The following CHD5 variants were observed in gnomAD, a reference collection of about 807,000 sequenced individuals.
CHD5 encodes the protein chromodomain helicase DNA binding protein 5.
Under a neutral mutation model 230.3 loss-of-function variants are expected in CHD5, and 69 were observed. The observed-to-expected ratio is 0.30, with a 90% CI of 0.25 to 0.37. The LOEUF (loss-of-function observed/expected upper bound fraction) is 0.37. Among genes scored for constraint, CHD5 ranks in the 10% least tolerant of loss-of-function variants. The pLI is 1.00. For missense variants in CHD5, 1,827 were observed against 2,622.8 expected (o/e 0.70, Z 6.63); for synonymous variants, 1,064 against 1,065.9 (o/e 1.00, Z 0.03).
At chr1:6,117,836 T>C (rs886725277) in intron 33 of CHD5, among the ~76,000 whole-genome samples, 10 of 152,182 alleles carry the variant, frequency 6.6e-5, no homozygotes, top group Admixed American at 3.3e-4. Context: ...CACATGCTGG[T>C]AAGAATGTGA....
Position 6,134,281 on chromosome 1 carries a change from G to A in CHD5, c.3013-22C>T. 1 of 1,609,526 alleles carries A rather than the reference G, an allele frequency of 6.2e-7. No individual in the cohort carries two copies. Reference sequence around the variant, plus strand: ...CCTCCTGCAGACACAGCAGGAGGTGGGGCATTGGTGGGCTCCCCTCTCCTC... The same window carrying A: ...CCTCCTGCAGACACAGCAGGAGGTGAGGCATTGGTGGGCTCCCCTCTCCTC... On this transcript the variant is annotated intron_variant, in intron 19 of 41. Coordinates refer to ENST00000262450, the MANE Select transcript of CHD5 (RefSeq NM_015557.3). This position sits in a 1 kb window ranked among gnomAD's most constrained non-coding sequence, Gnocchi z 6.3.
Position 6,142,242 on chromosome 1 carries a change from G to A in CHD5, c.2322C>T (p.Asp774=). ...WEREFEMWAP[D]FYVVTYTGDK... Reference sequence around the variant, plus strand: ...CCCCCGTGTAGGTGACCACGTAGAAGTCGGGCGCCCACATCTCAAACTCGC... The same window carrying A: ...CCCCCGTGTAGGTGACCACGTAGAAATCGGGCGCCCACATCTCAAACTCGC... The change falls in exon 15 of 42, where the codon GAC becomes GAT. Residue 774 remains aspartate (D), a synonymous_variant. Transcript: ENST00000262450. This position sits in a 1 kb window ranked among gnomAD's most constrained non-coding sequence, Gnocchi z 5.2. The A allele has an allele frequency of 1.2e-6, 2 of 1,614,160 alleles. No individual in the cohort carries two copies. Among genetic ancestry groups the A allele is most frequent in the Non-Finnish European group, 1.7e-6 (2 of 1,180,010 alleles).
intron 36 of CHD5, among the ~76,000 whole-genome samples, chr1:6,110,750 G>A (rs774801303): frequency 1.9e-4 from 29 of 152,186 alleles, no homozygotes; most frequent in Non-Finnish European, 4.1e-4. Flanking sequence ...ACACAGCCCC[G>A]GGGCTTCAGA....
In CHD5 at chr1:6,149,344, T is replaced by G; in HGVS notation, c.1063A>C (p.Ile355Leu). 1 of 1,612,630 alleles carries G rather than the reference T, an allele frequency of 6.2e-7. No individual in the cohort carries two copies. Among genetic ancestry groups the G allele is most frequent in the Non-Finnish European group, 8.5e-7 (1 of 1,179,668 alleles). ...YCEVCQQGGEIILCDTCPRAY... is the reference protein window; with the variant it reads ...YCEVCQQGGELILCDTCPRAY... ...CTCGGGCAGGTGTCGCACAGGATGATCTCCCCACCCTGCTGGCACACCTCA... is the reference window on the plus strand; with the variant it reads ...CTCGGGCAGGTGTCGCACAGGATGAGCTCCCCACCCTGCTGGCACACCTCA... Residue 355 changes from isoleucine (I) to leucine (L), a missense_variant, in exon 8 of 42, where the codon ATC becomes CTC. Transcript: ENST00000262450.
chr1:6,110,126 C>G (rs1666261650), intron 37 of CHD5, 136 bp from the exon 38 acceptor site: 6 of 976,760 alleles, frequency 6.1e-6, no homozygotes, highest in Non-Finnish European at 7.3e-6. Context: ...GCTGCCCACC[C>G]TGGCCTGGTG....
Position 6,143,865 on chromosome 1 carries a change from C to T in CHD5, c.2001G>A (p.Arg667=). 2.5e-6 allele frequency: 4 copies of T among 1,613,564 alleles called. No homozygotes were observed. The highest frequency in any genetic ancestry group is 1.3e-5 in the African/African-American group (1 of 75,008). ...CCGGCGGCTTCTCCTGCTTGTCGTC[C>T]CTCAGCTTCTTGCCCTTCTTGAGCA... ...KRLLKKGKKL[R]DDKQEKPPDT... is the part of the protein sequence containing the mutation. Residue 667 remains arginine (R), a synonymous_variant, in exon 13 of 42, where the codon AGG becomes AGA. Coordinates refer to ENST00000262450, the MANE Select transcript of CHD5 (RefSeq NM_015557.3).
intron 1 of CHD5, among the ~76,000 whole-genome samples, chr1:6,168,879 C>T (rs1240058775): frequency 6.6e-6 from 1 of 152,062 alleles, no homozygotes; most frequent in African/African-American, 2.4e-5. Context: ...ATTAGCTGGG[C>T]GTGGTGGTGG....
Position 6,142,117 on chromosome 1 carries a change from C to A in CHD5, c.2436+11G>T. On this transcript the variant is annotated intron_variant, in intron 15 of 41. Coordinates refer to ENST00000262450, the MANE Select transcript of CHD5 (RefSeq NM_015557.3). This position sits in a 1 kb window ranked among gnomAD's most constrained non-coding sequence, Gnocchi z 5.2. ...CTTCCTACCGTCCTTCCAAGGATAG[C>A]GAGCCCTCACCTTCATACGGAATAC... The A allele has an allele frequency of 6.2e-7, 1 of 1,608,104 alleles. No homozygotes were observed. Among genetic ancestry groups the A allele is most frequent in the Non-Finnish European group, 8.5e-7 (1 of 1,174,844 alleles).
intron 33 of CHD5, among the ~76,000 whole-genome samples, chr1:6,120,405 A>C (rs897340781): frequency 6.6e-6 from 1 of 151,766 alleles, no homozygotes; most frequent in South Asian, 2.1e-4. Context: ...AAGGTGGCTC[A>C]TGCCTGCAAT....
chr1:6,146,712 A>G lies in CHD5; in HGVS notation c.1543T>C (p.Trp515Arg). The stretch of plus-strand genomic sequence containing the variant: ...CAATGCCAGTAGGACAGCCCTGCCC[A>G]CTTGACAAAGAACTCTCTCTCAGGG... ...GIPEREFFVK[W>R]AGLSYWHCSW... The change falls in exon 10 of 42, where the codon TGG (tryptophan) becomes CGG (arginine). Residue 515 changes from tryptophan to arginine, a missense_variant. Physicochemically the swap from Trp to Arg is moderately radical, Grantham distance 101 (BLOSUM62 -3). This residue lies in a region of CHD5 where 657 missense variants were observed against 816.4 expected (regional missense o/e 0.80). Transcript: ENST00000262450. This position sits in a 1 kb window ranked among gnomAD's most constrained non-coding sequence, Gnocchi z 5.1. 1 of 1,613,562 alleles carries G rather than the reference A, an allele frequency of 6.2e-7. No homozygotes were observed. Among genetic ancestry groups the G allele is most frequent in the Non-Finnish European group, 8.5e-7 (1 of 1,179,820 alleles).
In CHD5 at chr1:6,106,727, C is replaced by A. The variant is rs1263487415; in HGVS notation, c.5631G>T (p.Arg1877=). Residue 1877 remains arginine, a synonymous_variant, in exon 39 of 42, where the codon CGG becomes CGT. Coordinates refer to ENST00000262450, the MANE Select transcript of CHD5 (RefSeq NM_015557.3). ...LLSDMKADVT[R]LPSMLSRIPP... ...GGATGCGGGACAGCATGGATGGCAG[C>A]CGGGTCACGTCGGCCTTCATGTCGC... 1 of 1,611,906 alleles carries A rather than the reference C, an allele frequency of 6.2e-7. No individual in the cohort carries two copies. The highest frequency in any genetic ancestry group is 1.1e-5 in the South Asian group (1 of 90,996).
chr1:6,166,260 G>A lies in CHD5; in HGVS notation c.207+1890C>T, dbSNP rs1395705056. ...AGGACCAGAAGGGCCTGGATTGGCT[G>A]CAAAGCAGGTGGGGGTCGGGGGCAG... On this transcript the variant is annotated intron_variant, in intron 2 of 41. Coordinates refer to ENST00000262450, the MANE Select transcript of CHD5 (RefSeq NM_015557.3). Among the ~76,000 whole-genome samples the A allele has an allele frequency of 2.3e-5, 3 of 129,110 alleles. No homozygotes were observed. The East Asian group carries it at 1.1e-3, about 46-fold the overall frequency. The allele number at this position is 129,110 out of a possible 152,430, so 84.7% of individuals were successfully genotyped here. A position where few individuals can be genotyped will look rare whatever the true frequency, so the allele number is the denominator to read the frequency against.
intron 15 of CHD5, among the ~76,000 whole-genome samples, chr1:6,140,282 C>A (rs1455298987): frequency 6.6e-6 from 1 of 152,112 alleles, no homozygotes; most frequent in Non-Finnish European, 1.5e-5. Flanking sequence ...CGCCTGTAGT[C>A]CCAGCTACTT....
Position 6,121,034 on chromosome 1 carries a change from C to T in CHD5, c.4912+71G>A. ...AAATGAGCGGAAGTACAGCCACCTG[C>T]CCTTCTCTGAACCCAGGCCTGCTGA... On this transcript the variant is annotated intron_variant, in intron 33 of 41. Transcript: ENST00000262450. The surrounding 1 kb of genome is among the most constrained non-coding windows in gnomAD (Gnocchi z 4.5). 2 of 1,458,258 alleles carry T rather than the reference C, an allele frequency of 1.4e-6. No homozygotes were observed. Among genetic ancestry groups the T allele is most frequent in the African/African-American group, 1.4e-5 (1 of 70,334 alleles). The allele number at this position is 1,458,258 out of a possible 1,614,324, so 90.3% of individuals were successfully genotyped here.
chr1:6,154,778 C>CGCT lies in CHD5; in HGVS notation c.624_626dup (p.Ala212dup). The stretch of plus-strand genomic sequence containing the variant: ...CTACAGCCGCAGCCACCGCCGCCGC[C>CGCT]GCTGCTGCCGCGGAGCTGCCCTTGA... On this transcript the variant is annotated inframe_insertion, in exon 5 of 42. Coordinates refer to ENST00000262450, the MANE Select transcript of CHD5 (RefSeq NM_015557.3). The surrounding 1 kb of genome is among the most constrained non-coding windows in gnomAD (Gnocchi z 7.0). 1 of 1,612,944 alleles carries CGCT rather than the reference C, an allele frequency of 6.2e-7. No individual in the cohort carries two copies.
chr1:6,146,672 T>C lies in CHD5; in HGVS notation c.1583A>G (p.Glu528Gly). ...ACCCTCCCGGGCACTCACCTGTAGC[T>C]CCTTCACCCAGGAGCAATGCCAGTA... Reference protein sequence around the residue: ...LSYWHCSWVKELQLELYHTVM... With the variant: ...LSYWHCSWVKGLQLELYHTVM... The change falls in exon 10 of 42, where the codon GAG becomes GGG. Residue 528 changes from glutamate to glycine, a missense_variant. Glu to Gly is a moderately conservative substitution (Grantham distance 98). Coordinates refer to ENST00000262450, the MANE Select transcript of CHD5 (RefSeq NM_015557.3). This position sits in a 1 kb window ranked among gnomAD's most constrained non-coding sequence, Gnocchi z 5.1. 6.2e-7 allele frequency: 1 copy of C among 1,613,866 alleles called. No individual in the cohort carries two copies. The highest frequency in any genetic ancestry group is 1.7e-5 in the Admixed American group (1 of 60,016).
chr1:6,108,418 AGATGGAAG>A (rs1437083620), intron 38 of CHD5, among the ~76,000 whole-genome samples: 1 of 102,184 alleles, frequency 9.8e-6, no homozygotes, highest in Non-Finnish European at 2.0e-5. Flanking sequence ...AGAGATGGAG[AGATGGAAG>A]GATGGAGAGA....
chr1:6,170,028 G>C (rs1037234323), intron 1 of CHD5, among the ~76,000 whole-genome samples: 1 of 152,144 alleles, frequency 6.6e-6, no homozygotes, highest in Non-Finnish European at 1.5e-5. Flanking sequence ...ACCCAGGAAG[G>C]GGGCAGAGTG....
rs1305525986 is a variant in CHD5 at position 6,146,372 on chromosome 1, T to C, written c.1642A>G (p.Met548Val). 7 of 1,614,136 alleles carry C rather than the reference T, an allele frequency of 4.3e-6. No homozygotes were observed. The highest frequency in any genetic ancestry group is 1.7e-5 in the Admixed American group (1 of 60,018). ...MYRNYQRKND[M>V]DEPPPFDYGS... Reference sequence around the variant, plus strand: ...TAGTCAAAGGGGGGCGGCTCATCCATGTCGTTCTTTCTTTGGTAGTTGCGA... The same window carrying C: ...TAGTCAAAGGGGGGCGGCTCATCCACGTCGTTCTTTCTTTGGTAGTTGCGA... The change falls in exon 11 of 42, where the codon ATG becomes GTG. Residue 548 changes from methionine to valine, a missense_variant. This residue lies in a region of CHD5 where 657 missense variants were observed against 816.4 expected (regional missense o/e 0.80). Coordinates refer to ENST00000262450, the MANE Select transcript of CHD5 (RefSeq NM_015557.3). This position sits in a 1 kb window ranked among gnomAD's most constrained non-coding sequence, Gnocchi z 5.1.
Sources: gnomAD v4.1 joint callset for allele counts (sites outside exome capture counted in the v4.1 genomes callset) on GRCh38, gnomAD v4.1.1 for gene constraint, gnomAD v4.1.1 regional missense constraint, Gnocchi (gnomAD v3.1) non-coding constraint, MANE v1.5 for transcripts, NCBI Gene and HGNC (gene_info 2026-07-23, HGNC 2026-07-21) for gene names.